Variants in FSIP2 observed in about 807,000 individuals in gnomAD.
The protein encoded by FSIP2 is fibrous sheath interacting protein 2.
FSIP2 carries 367 observed loss-of-function variants against 510.5 expected under a neutral mutation model. The observed-to-expected ratio is 0.72, with a 90% CI of 0.66 to 0.78. FSIP2 has a LOEUF of 0.78. Ranked by LOEUF, FSIP2 falls within the 30% of genes least tolerant of loss-of-function variation. The pLI is 0.00. For missense variants in FSIP2, 7,594 were observed against 7,901.7 expected, an observed-to-expected ratio of 0.96 and a Z score of 1.48; for synonymous variants, 2,601 against 2,732.2, an observed-to-expected ratio of 0.95 and a Z score of 1.50.
intron 18 of FSIP2, 67 bp downstream of exon 18, chr2:185,814,109 T>C (rs1693790329): frequency 7.0e-7 from 1 of 1,433,712 alleles, no homozygotes; most frequent in South Asian, 1.3e-5. Context: ...GGCCCAAGAA[T>C]GTACCTTGAT....
In FSIP2 at chr2:185,791,279, T is replaced by G. The variant is rs1308222176; in HGVS notation, c.4143T>G (p.Arg1381=). The G allele has an allele frequency of 5.9e-6, 9 of 1,534,056 alleles. No individual in the cohort carries two copies. The highest frequency in any genetic ancestry group is 7.9e-6 in the Non-Finnish European group (9 of 1,145,586). The part of the protein sequence containing the change: ...AHQRSISLSS[R]KPKSATDSVD... ...AAAGAAGCATTTCACTCTCTTCTCG[T>G]AAGCCAAAGTCTGCAACTGACAGTG... Residue 1381 remains arginine, a synonymous_variant, in exon 16 of 23, where the codon CGT becomes CGG. Transcript: ENST00000424728.
chr2:185,781,016 G>A (rs1035359324), intron 13 of FSIP2, among the ~76,000 whole-genome samples: 4 of 150,832 alleles, frequency 2.7e-5, no homozygotes, highest in African/African-American at 9.7e-5. Context: ...TCCACCCACA[G>A]CCAAAAGCCA....
chr2:185,827,459 C>G (rs562941105), intron 20 of FSIP2, among the ~76,000 whole-genome samples: 1 of 151,862 alleles, frequency 6.6e-6, no homozygotes, highest in Middle Eastern at 3.2e-3. Flanking sequence ...AATGTTCACA[C>G]AGCTTTAAGC....
At chr2:185,815,792 T>A (rs1693814714) in intron 19 of FSIP2, among the ~76,000 whole-genome samples, 1 of 152,048 alleles carries the variant, frequency 6.6e-6, no homozygotes, top group South Asian at 2.1e-4. Context: ...AAATGAAATA[T>A]GCAGTATCAG....
In FSIP2 at chr2:185,772,299, C is replaced by T. The variant is rs147781612; in HGVS notation, c.1411+7734C>T. Reference sequence around the variant, plus strand: ...AAGCTGCCTCCATGTTTTCATGTATCTTTATAGCAATGCCTTACTTCTTGG... The same window carrying T: ...AAGCTGCCTCCATGTTTTCATGTATTTTTATAGCAATGCCTTACTTCTTGG... On this transcript the variant is annotated intron_variant, in intron 13 of 22. Transcript: ENST00000424728. 3.3e-5 allele frequency among the ~76,000 whole-genome samples: 5 copies of T among 152,254 alleles called. No homozygotes were observed. In the East Asian group the frequency reaches 9.7e-4, roughly 29 times the overall value.
Position 185,791,147 on chromosome 2 carries a change from T to C in FSIP2, c.4011T>C (p.Thr1337=). The C allele has an allele frequency of 1.3e-6, 2 of 1,533,500 alleles. No individual in the cohort carries two copies. Among genetic ancestry groups the C allele is most frequent in the Non-Finnish European group, 1.7e-6 (2 of 1,145,156 alleles). The allele number at this position is 1,533,500 out of a possible 1,614,324, so 95.0% of individuals were successfully genotyped here. A position where few individuals can be genotyped will look rare whatever the true frequency, so the allele number is the denominator to read the frequency against. ...SLTDKGFFAN[T]DKKLESLVTS... ...CAGATAAAGGATTTTTTGCTAATAC[T>C]GATAAAAAATTAGAATCTCTTGTCA... The change falls in exon 16 of 23, where the codon ACT becomes ACC. Residue 1337 remains threonine, a synonymous_variant. Coordinates refer to ENST00000424728, the MANE Select transcript of FSIP2 (RefSeq NM_173651.4).
At chr2:185,798,671 G>A (rs190580279) in intron 16 of FSIP2, among the ~76,000 whole-genome samples, 41 of 151,860 alleles carry the variant, frequency 2.7e-4, no homozygotes, top group African/African-American at 8.9e-4. Flanking sequence ...AAGATGGACG[G>A]TAATGTAGCT....
In FSIP2 at chr2:185,803,502, T is replaced by C; in HGVS notation, c.14196T>C (p.Asn4732=). The C allele has an allele frequency of 1.3e-6, 2 of 1,532,090 alleles. No individual in the cohort carries two copies. Among genetic ancestry groups the C allele is most frequent in the Non-Finnish European group, 1.7e-6 (2 of 1,144,632 alleles). The allele number at this position is 1,532,090 out of a possible 1,614,324, so 94.9% of individuals were successfully genotyped here. A position where few individuals can be genotyped will look rare whatever the true frequency, so the allele number is the denominator to read the frequency against. The change falls in exon 17 of 23, where the codon AAT becomes AAC. Residue 4732 remains asparagine, a synonymous_variant. Coordinates refer to ENST00000424728, the MANE Select transcript of FSIP2 (RefSeq NM_173651.4). ...AGACATTGGCTGCAAGAATAACTAA[T>C]ATCATCCTGGCTGAAATTTTTGATT... The part of the protein sequence containing the change: ...DTKTLAARIT[N]IILAEIFDFQ...
At chr2:185,758,874 A>G (rs539429823) in intron 9 of FSIP2, among the ~76,000 whole-genome samples, 11 of 151,380 alleles carry the variant, frequency 7.3e-5, no homozygotes, top group African/African-American at 2.4e-4. Flanking sequence ...TGGCTTTATA[A>G]TAAGTTTTGA....
chr2:185,737,995 A>G (rs1691819794), upstream of FSIP2, among the ~76,000 whole-genome samples: 1 of 152,214 alleles, frequency 6.6e-6, no homozygotes, highest in South Asian at 2.1e-4. Flanking sequence ...CAGTATATGG[A>G]AGTTAGTAGA....
At chr2:185,809,370 T>C (rs893480956) in intron 17 of FSIP2, among the ~76,000 whole-genome samples, 10 of 152,068 alleles carry the variant, frequency 6.6e-5, no homozygotes, top group African/African-American at 2.4e-4. Flanking sequence ...ACAATCCTTT[T>C]GAAAGTTTTT....
chr2:185,794,538 A>G lies in FSIP2; in HGVS notation c.7402A>G (p.Ile2468Val). 2 of 1,530,494 alleles carry G rather than the reference A, an allele frequency of 1.3e-6. No individual in the cohort carries two copies. Among genetic ancestry groups the G allele is most frequent in the South Asian group, 1.2e-5 (1 of 82,670 alleles). 94.8% of individuals were successfully genotyped at this position (1,530,494 alleles called of 1,614,324 possible). A position where few individuals can be genotyped will look rare whatever the true frequency, so the allele number is the denominator to read the frequency against. Residue 2468 changes from isoleucine to valine, a missense_variant, in exon 16 of 23, where the codon ATA (isoleucine) becomes GTA (valine). Physicochemically the swap from Ile to Val is conservative, Grantham distance 29 (BLOSUM62 3). Transcript: ENST00000424728. ...AAGGCAGATAATTGTTTTGGAAGAA[A>G]TATTTATGAGAAATGGAGAATCAAA... ...NKRQIIVLEE[I>V]FMRNGESKNK...
In FSIP2 at chr2:185,791,145, A is replaced by G; in HGVS notation, c.4009A>G (p.Thr1337Ala). Residue 1337 changes from threonine (T) to alanine (A), a missense_variant, in exon 16 of 23, where the codon ACT becomes GCT. By Grantham distance (58) the Thr-to-Ala change is moderately conservative. Transcript: ENST00000424728. ...TACAGATAAAGGATTTTTTGCTAAT[A>G]CTGATAAAAAATTAGAATCTCTTGT... is the stretch of plus-strand genomic sequence containing the variant. ...SLTDKGFFAN[T>A]DKKLESLVTS... 2.0e-6 allele frequency: 3 copies of G among 1,533,268 alleles called. No homozygotes were observed. The highest frequency in any genetic ancestry group is 2.6e-6 in the Non-Finnish European group (3 of 1,145,058). The allele number at this position is 1,533,268 out of a possible 1,614,324, so 95.0% of individuals were successfully genotyped here.
Position 185,806,831 on chromosome 2 carries a change from C to A in FSIP2, c.17525C>A (p.Ala5842Asp). 6.2e-7 allele frequency: 1 copy of A among 1,609,890 alleles called. No homozygotes were observed. Among genetic ancestry groups the A allele is most frequent in the Non-Finnish European group, 8.5e-7 (1 of 1,178,254 alleles). Residue 5842 changes from alanine (A) to aspartate (D), a missense_variant, in exon 17 of 23, where the codon GCT becomes GAT. Ala to Asp is a moderately radical substitution (Grantham distance 126). Transcript: ENST00000424728. ...TCACTGTTAAAGGAGTTCTCAGATG[C>A]TCAAATTAAGGTTTTCAGGCCAGAT... Reference protein sequence around the residue: ...INSLLKEFSDAQIKVFRPDKG... With the variant: ...INSLLKEFSDDQIKVFRPDKG...
chr2:185,821,516 C>T (rs1693918999), intron 19 of FSIP2, among the ~76,000 whole-genome samples: 1 of 151,762 alleles, frequency 6.6e-6, no homozygotes, highest in Non-Finnish European at 1.5e-5. Flanking sequence ...AATATTGATG[C>T]AAAAACCTTC....
At chr2:185,755,927 A>G (rs1574157662) in intron 8 of FSIP2, among the ~76,000 whole-genome samples, 1 of 151,554 alleles carries the variant, frequency 6.6e-6, no homozygotes, top group South Asian at 2.1e-4. Context: ...GACATGTTTC[A>G]GTTGAGCCAG....
chr2:185,772,389 A>T (rs895442299), intron 13 of FSIP2, among the ~76,000 whole-genome samples: 6 of 152,170 alleles, frequency 3.9e-5, no homozygotes, highest in Non-Finnish European at 8.8e-5. Context: ...TAGTTTATAA[A>T]GAAAATAGGT....
rs1218883375 is a variant in FSIP2, at chr2:185,813,698, C to A, written c.19981C>A (p.Arg6661=). 6.2e-7 allele frequency: 1 copy of A among 1,609,164 alleles called. No homozygotes were observed. The highest frequency in any genetic ancestry group is 1.1e-5 in the South Asian group (1 of 90,368). Reference sequence around the variant, plus strand: ...TTTGGAAAATTACATAAAAGAGGAACGAGATTCTGATGAAGATGAAGTTGT... The same window carrying A: ...TTTGGAAAATTACATAAAAGAGGAAAGAGATTCTGATGAAGATGAAGTTGT... ...VYLENYIKEE[R]DSDEDEVVLT... The change falls in exon 18 of 23, where the codon CGA becomes AGA. Residue 6661 remains arginine, a synonymous_variant. Transcript: ENST00000424728.
Position 185,789,964 on chromosome 2 carries a change from T to A in FSIP2, c.2828T>A (p.Phe943Tyr). 1 of 1,534,288 alleles carries A rather than the reference T, an allele frequency of 6.5e-7. No individual in the cohort carries two copies. Among genetic ancestry groups the A allele is most frequent in the Non-Finnish European group, 8.7e-7 (1 of 1,145,686 alleles). ...CTTCAGCTACTTGAGGACATCCTTT[T>A]TCAGCTCCATCAGGAACCAGTAAAT... ...VLLQLLEDIL[F>Y]QLHQEPVNES... is the part of the protein sequence containing the mutation. Residue 943 changes from phenylalanine (F) to tyrosine (Y), a missense_variant, in exon 16 of 23, where the codon TTT becomes TAT. Physicochemically the swap from Phe to Tyr is conservative, Grantham distance 22. Coordinates refer to ENST00000424728, the MANE Select transcript of FSIP2 (RefSeq NM_173651.4).
Sources: gnomAD v4.1 joint callset for allele counts (sites outside exome capture counted in the v4.1 genomes callset) on GRCh38, gnomAD v4.1.1 for gene constraint, MANE v1.5 for transcripts, NCBI Gene and HGNC (gene_info 2026-07-23, HGNC 2026-07-21) for gene names.